Variants in CRAT observed in about 807,000 individuals in gnomAD.
CRAT encodes carnitine acetylase.
In CRAT, 66 loss-of-function variants were observed where a neutral mutation model predicts 73.7. The observed-to-expected ratio is 0.90, with a 90% CI of 0.73 to 1.10. The LOEUF is 1.10. Ranked by LOEUF, CRAT falls within the 50% of genes least tolerant of loss-of-function variation. The pLI is 0.00. For synonymous variants in CRAT, 321 were observed against 343.2 expected, an observed-to-expected ratio of 0.94 and a Z score of 0.71; for missense variants, 745 against 846.9, an observed-to-expected ratio of 0.88 and a Z score of 1.49.
chr9:129,105,204 A>G (rs1847944288), intron 2 of CRAT, among the ~76,000 whole-genome samples: 1 of 150,670 alleles, frequency 6.6e-6, no homozygotes. Context: ...CGCGCCCGGC[A>G]AGGTGAACAA....
Position 129,097,243 on chromosome 9 carries a change from CACTT to C in CRAT, c.1527+3_1527+6del, listed in dbSNP as rs1847335046. ...ACAAGTGAGTAGGCACAAGCGGGCT[CACTT>C]ACCCGGTCGGTGTAGCCTCGGTGGG... On this transcript the variant is annotated splice_donor_5th_base_variant and intron_variant, in intron 12 of 13. Transcript: ENST00000318080. 1 of 1,555,546 alleles carries C rather than the reference CACTT, an allele frequency of 6.4e-7. No individual in the cohort carries two copies. Among genetic ancestry groups the C allele is most frequent in the Admixed American group, 2.0e-5 (1 of 51,056 alleles).
In CRAT at chr9:129,103,788, G is replaced by A. The variant is rs1170745006; in HGVS notation, c.410+400C>T. Among the ~76,000 whole-genome samples, 1 of 152,192 alleles carries A rather than the reference G, an allele frequency of 6.6e-6. No homozygotes were observed. The highest frequency in any genetic ancestry group is 2.4e-5 in the African/African-American group (1 of 41,444). On this transcript the variant is annotated intron_variant, in intron 3 of 13. Coordinates refer to ENST00000318080, the MANE Select transcript of CRAT (RefSeq NM_000755.5). This position sits in a 1 kb window ranked among gnomAD's most constrained non-coding sequence, Gnocchi z 4.6. ...TCTGGTAGGACTGGAATAGGGGCTG[G>A]GGCAGGTGACCTGGCTGAATGTGGA...
Position 129,098,088 on chromosome 9 carries a change from G to T in CRAT, c.1389C>A (p.Gly463=). The T allele has an allele frequency of 6.2e-7, 1 of 1,614,056 alleles. No individual in the cohort carries two copies. Among genetic ancestry groups the T allele is most frequent in the South Asian group, 1.1e-5 (1 of 91,086 alleles). Residue 463 remains glycine (G), a synonymous_variant, in exon 11 of 14, where the codon GGC becomes GGA. Transcript: ENST00000318080. ...AAGCCGAGCGGATGGTGTCGGTGCG[G>T]CCCAGGTGAAACATGCGCAGGGAGG... ...ESASLRMFHL[G]RTDTIRSASM... is the part of the protein sequence containing the mutation.
Position 129,103,273 on chromosome 9 carries a change from G to A in CRAT, c.411-207C>T, listed in dbSNP as rs1219421987. 2.6e-5 allele frequency among the ~76,000 whole-genome samples: 4 copies of A among 152,146 alleles called. No homozygotes were observed. The highest frequency in any genetic ancestry group is 4.1e-4 in the South Asian group (2 of 4,830). ...CATAACCTCTAGAGGGAGCATGGTC[G>A]GGAGGGCTCGGGGAAGTGCTGGTGG... On this transcript the variant is annotated intron_variant, in intron 3 of 13. Transcript: ENST00000318080. The surrounding 1 kb of genome is among the most constrained non-coding windows in gnomAD (Gnocchi z 4.6).
At chr9:129,109,267 TG>T (rs1266240674) in intron 1 of CRAT, 2 of 1,304,084 alleles carry the variant, frequency 1.5e-6, no homozygotes, top group South Asian at 2.5e-5. Context: ...ACCACAGCCC[TG>T]GGATCGGTCC....
chr9:129,107,803 C>T lies in CRAT; in HGVS notation c.291+11G>A. 6.2e-7 allele frequency: 1 copy of T among 1,613,086 alleles called. No individual in the cohort carries two copies. Among genetic ancestry groups the T allele is most frequent in the East Asian group, 2.2e-5 (1 of 44,886 alleles). ...CCAGCAGCAGGTCACAGTGAGGATG[C>T]CCTCACTCACCCAGTTCTCCGTCTT... On this transcript the variant is annotated intron_variant, in intron 2 of 13. Coordinates refer to ENST00000318080, the MANE Select transcript of CRAT (RefSeq NM_000755.5). This position sits in a 1 kb window ranked among gnomAD's most constrained non-coding sequence, Gnocchi z 5.0.
chr9:129,104,350 T>G, intron 2 of CRAT, 44 bp from the exon 3 acceptor site: 114 of 1,387,492 alleles, frequency 8.2e-5, no homozygotes, highest in Non-Finnish European at 1.1e-4. Flanking sequence ...GCATGGGCCC[T>G]GGTGCCCCCT....
chr9:129,110,790 G>C lies in CRAT; in HGVS notation c.-281C>G. 1.8e-6 allele frequency: 1 copy of C among 544,334 alleles called. No individual in the cohort carries two copies. Among genetic ancestry groups the C allele is most frequent in the Non-Finnish European group, 3.1e-6 (1 of 321,240 alleles). The allele number at this position is 544,334 out of a possible 1,614,324, so 33.7% of individuals were successfully genotyped here. A position where few individuals can be genotyped will look rare whatever the true frequency, so the allele number is the denominator to read the frequency against. ...GCCCGGGAGGTTGGCTGTGGGGCGGGGACGGGGCATCGATGGGGCGGAGTC... is the reference window on the plus strand; with the variant it reads ...GCCCGGGAGGTTGGCTGTGGGGCGGCGACGGGGCATCGATGGGGCGGAGTC... On this transcript the variant is annotated 5_prime_UTR_variant, in exon 1 of 14. Coordinates refer to ENST00000318080, the MANE Select transcript of CRAT (RefSeq NM_000755.5). This position sits in a 1 kb window ranked among gnomAD's most constrained non-coding sequence, Gnocchi z 5.3.
At position 129,098,588 on chromosome 9, in the gene CRAT, A is replaced by G; in HGVS notation, c.1148T>C (p.Phe383Ser). The G allele has an allele frequency of 6.3e-7, 1 of 1,598,424 alleles. No homozygotes were observed. The highest frequency in any genetic ancestry group is 8.5e-7 in the Non-Finnish European group (1 of 1,175,982). ...GCTCTTGATCTCGGGGGTGATGTTG[A>G]ACCGCAGCTTCTTGGGCATGGGCAG... ...VPLPMPKKLR[F>S]NITPEIKSDI... The change falls in exon 9 of 14, where the codon TTC becomes TCC. Residue 383 changes from phenylalanine to serine, a missense_variant. Phe to Ser is a radical substitution (Grantham distance 155, BLOSUM62 -2). Transcript: ENST00000318080.
At chr9:129,101,572 C>A (rs981121782) in intron 6 of CRAT, among the ~76,000 whole-genome samples, 1 of 152,262 alleles carries the variant, frequency 6.6e-6, no homozygotes, top group Admixed American at 6.5e-5. Context: ...AAAGGAGATT[C>A]ATTTAAACTG....
intron 11 of CRAT, chr9:129,097,738 A>C: frequency 2.2e-6 from 1 of 461,204 alleles, no homozygotes; most frequent in Admixed American, 3.8e-5. Flanking sequence ...AAGAGCGAGT[A>C]TTGCAACTAC....
chr9:129,100,481 G>GT, intron 7 of CRAT, 30 bp downstream of exon 7: 1 of 1,598,138 alleles, frequency 6.3e-7, no homozygotes, highest in Non-Finnish European at 8.5e-7. Flanking sequence ...TCAGGTGTGT[G>GT]TGAGTGGGCG....
chr9:129,109,310 C>T lies in CRAT; in HGVS notation c.27+1173G>A, dbSNP rs564567667. 3.1e-5 allele frequency: 40 copies of T among 1,297,420 alleles called. No homozygotes were observed. The African/African-American group carries it at 5.8e-4, about 19-fold the overall frequency. 80.4% of individuals were successfully genotyped at this position (1,297,420 alleles called of 1,614,324 possible). A position where few individuals can be genotyped will look rare whatever the true frequency, so the allele number is the denominator to read the frequency against. On this transcript the variant is annotated intron_variant, in intron 1 of 13. Coordinates refer to ENST00000318080, the MANE Select transcript of CRAT (RefSeq NM_000755.5). ...TAGGGTTGGTGCAAGGGAGCAGACA[C>T]CAGGAAAAGGCCATCAGTGGATGGG...
intron 1 of CRAT, 146 bp from the exon 2 acceptor site, chr9:129,108,223 A>G: frequency 8.9e-7 from 1 of 1,127,696 alleles, no homozygotes; most frequent in East Asian, 2.7e-5. Context: ...TCCCAGCCCT[A>G]GAGCTCTAGG....
At chr9:129,108,623 GC>G (rs1848168294) in intron 1 of CRAT, 3 of 1,136,008 alleles carry the variant, frequency 2.6e-6, no homozygotes, top group Admixed American at 5.4e-5. Context: ...TGGCGAGAGA[GC>G]CGGGTGGCCT....
intron 11 of CRAT, 99 bp from the exon 12 acceptor site, chr9:129,097,411 T>C (rs1847350026): frequency 2.1e-6 from 2 of 937,140 alleles, no homozygotes; most frequent in Non-Finnish European, 1.6e-6. Flanking sequence ...CTGAGCTCTT[T>C]AAGAGGAAAT....
chr9:129,104,646 G>C (rs1471465696), intron 2 of CRAT, among the ~76,000 whole-genome samples: 3 of 151,110 alleles, frequency 2.0e-5, no homozygotes, highest in South Asian at 2.1e-4. Flanking sequence ...GCTGTGTCAT[G>C]CAGGCTGGAG....
intron 11 of CRAT, 167 bp downstream of exon 11, chr9:129,097,846 G>T: frequency 1.0e-6 from 1 of 957,186 alleles, no homozygotes; most frequent in Non-Finnish European, 1.5e-6. Flanking sequence ...TTCCTCTTTG[G>T]TCCCCAGGAA....
intron 6 of CRAT, 109 bp from the exon 7 acceptor site, chr9:129,100,798 C>T (rs1847625817): frequency 5.9e-6 from 8 of 1,357,742 alleles, no homozygotes; most frequent in Admixed American, 2.5e-5. Flanking sequence ...CCCATTTGTA[C>T]CTCTCTGGGA....
Sources: allele counts gnomAD v4.1 joint callset (sites outside exome capture counted in the v4.1 genomes callset), GRCh38; gene constraint gnomAD v4.1.1; non-coding constraint Gnocchi (gnomAD v3.1); transcripts MANE v1.5; gene names NCBI Gene and HGNC (gene_info 2026-07-23, HGNC 2026-07-21).